The following FAAH2 variants were observed in gnomAD, a reference collection of about 807,000 sequenced individuals.
FAAH2 encodes fatty-acid amide hydrolase 2.
Under a neutral mutation model 36.9 loss-of-function variants are expected in FAAH2, and 60 were observed. The observed-to-expected ratio is 1.63, with a 90% CI of 1.32 to 2.02. The LOEUF (loss-of-function observed/expected upper bound fraction) is 2.02, where lower values mean the gene tolerates loss of function less well. Ranked by LOEUF, FAAH2 falls within the 30% of genes most tolerant of loss-of-function variation. The pLI is 0.00. For synonymous variants in FAAH2, 214 were observed against 143.8 expected, an observed-to-expected ratio of 1.49 and a Z score of -3.49; for missense variants, 689 against 397.5, an observed-to-expected ratio of 1.73 and a Z score of -6.23.
intron 10 of FAAH2, among the ~76,000 whole-genome samples, chrX:57,468,990 G>A (rs1267496490): frequency 9.0e-6 from 1 of 111,346 alleles, no homozygotes; most frequent in African/African-American, 3.3e-5. Flanking sequence ...TTCATATCCA[G>A]CCAAACTAAG....
At chrX:57,471,772 C>T (rs2057171870) in intron 10 of FAAH2, among the ~76,000 whole-genome samples, 1 of 111,621 alleles carries the variant, frequency 9.0e-6, no homozygotes, top group Non-Finnish European at 1.9e-5. Flanking sequence ...CAAAAAAGAG[C>T]CCGCATTGCC....
At chrX:57,310,885 G>C (rs1315427301) in intron 3 of FAAH2, among the ~76,000 whole-genome samples, 156 bp downstream of exon 3, 1 of 112,125 alleles carries the variant, frequency 8.9e-6, no homozygotes, top group Non-Finnish European at 1.9e-5. Flanking sequence ...GTTCCATTGG[G>C]AAAATAAATG....
chrX:57,449,138 T>C (rs771844432), intron 10 of FAAH2, among the ~76,000 whole-genome samples: 29 of 112,221 alleles, frequency 2.6e-4, no homozygotes, highest in African/African-American at 7.1e-4. Context: ...GACTTAGCTA[T>C]CATCCCCTTT....
At chrX:57,397,746 C>T (rs1416799150) in intron 7 of FAAH2, among the ~76,000 whole-genome samples, 1 of 109,300 alleles carries the variant, frequency 9.1e-6, no homozygotes, top group East Asian at 2.9e-4. Context: ...GGTACATGTG[C>T]ACAATGTGCA....
intron 2 of FAAH2, among the ~76,000 whole-genome samples, chrX:57,293,717 G>A (rs1440605124): frequency 9.0e-6 from 1 of 111,661 alleles, no homozygotes; most frequent in Non-Finnish European, 1.9e-5. Flanking sequence ...AAGGGGGTCA[G>A]TTGTTGCAGA....
chrX:57,248,708 A>T, the FAAH2 span, among the ~76,000 whole-genome samples: 2 of 88,022 alleles, frequency 2.3e-5, no homozygotes, highest in African/African-American at 4.4e-5. Context: ...AGCCAAGATC[A>T]CGCCATTGCA....
chrX:57,460,489 G>T (rs2056939087), intron 10 of FAAH2, among the ~76,000 whole-genome samples: 1 of 111,812 alleles, frequency 8.9e-6, no homozygotes, highest in South Asian at 3.8e-4. Context: ...CCAGAAGAGA[G>T]TGGGGGCCAG....
intron 10 of FAAH2, among the ~76,000 whole-genome samples, chrX:57,471,389 T>C (rs2057162677): frequency 8.9e-6 from 1 of 112,241 alleles, no homozygotes; most frequent in Non-Finnish European, 1.9e-5. Flanking sequence ...ATAAGCAACT[T>C]CAGCAAAGTC....
At chrX:57,135,562 G>A in the FAAH2 span, 226 of 487,811 alleles carry the variant, frequency 4.6e-4, no homozygotes, top group Middle Eastern at 3.2e-3. Context: ...ATTCACAGCC[G>A]AAATTGACAG....
the FAAH2 span, among the ~76,000 whole-genome samples, chrX:57,147,468 C>T: frequency 3.6e-5 from 4 of 111,397 alleles, no homozygotes; most frequent in South Asian, 1.5e-3. Flanking sequence ...TTAATGTTGC[C>T]AGTGGTTTAT....
the FAAH2 span, among the ~76,000 whole-genome samples, chrX:57,220,208 A>T: frequency 9.4e-6 from 1 of 106,444 alleles, no homozygotes; most frequent in South Asian, 4.3e-4. Flanking sequence ...CCTCTCAACC[A>T]TCTTCTTTAA....
At chrX:57,317,042 C>G (rs1432967575) in intron 3 of FAAH2, among the ~76,000 whole-genome samples, 1 of 111,707 alleles carries the variant, frequency 9.0e-6, no homozygotes, top group Admixed American at 9.5e-5. Context: ...AAATCAACAA[C>G]TAATAAACAA....
At chrX:57,427,500 T>C (rs1382438820) in intron 7 of FAAH2, among the ~76,000 whole-genome samples, 1 of 110,580 alleles carries the variant, frequency 9.0e-6, no homozygotes, top group African/African-American at 3.3e-5. Flanking sequence ...GATGTGAAAA[T>C]CCTCAACAAA....
intron 10 of FAAH2, among the ~76,000 whole-genome samples, chrX:57,484,435 G>A (rs182338074): frequency 8.1e-5 from 9 of 111,202 alleles, no homozygotes; most frequent in Admixed American, 3.8e-4. Flanking sequence ...CCTTCATGTC[G>A]TAAATAGGCA....
intron 7 of FAAH2, among the ~76,000 whole-genome samples, chrX:57,420,847 G>A (rs989655471): frequency 5.4e-5 from 6 of 111,250 alleles, no homozygotes; most frequent in Non-Finnish European, 1.1e-4. Flanking sequence ...GTGTGATATT[G>A]GCTATTGGTT....
intron 5 of FAAH2, among the ~76,000 whole-genome samples, chrX:57,345,583 G>T (rs1265114137): frequency 9.1e-6 from 1 of 110,349 alleles, no homozygotes; most frequent in Non-Finnish European, 1.9e-5. Context: ...AGAGACTCTT[G>T]GTTAAATTGA....
At chrX:57,192,495 C>T in the FAAH2 span, among the ~76,000 whole-genome samples, 1 of 111,714 alleles carries the variant, frequency 9.0e-6, no homozygotes, top group East Asian at 2.8e-4. Context: ...TGTTGAGTAA[C>T]AGTGGTGAAA....
chrX:57,486,918 C>T (rs574361738), intron 10 of FAAH2, among the ~76,000 whole-genome samples: 3 of 111,610 alleles, frequency 2.7e-5, no homozygotes, highest in East Asian at 2.8e-4. Flanking sequence ...ATTTATGTGA[C>T]GGGGACTGGA....
At chrX:57,342,777 T>C (rs999811100) in intron 5 of FAAH2, among the ~76,000 whole-genome samples, 2 of 110,903 alleles carry the variant, frequency 1.8e-5, no homozygotes, top group South Asian at 3.8e-4. Flanking sequence ...CCTCCTCCCA[T>C]CCTCCACCTT....
Sources: allele counts gnomAD v4.1 joint callset (sites outside exome capture counted in the v4.1 genomes callset), GRCh38; gene constraint gnomAD v4.1.1; transcripts MANE v1.5; gene names NCBI Gene and HGNC (gene_info 2026-07-23, HGNC 2026-07-21).